Variants in DLGAP2 observed in about 807,000 individuals in gnomAD.
DLGAP2 encodes disks large-associated protein 2.
In DLGAP2, 26 loss-of-function variants were observed where a neutral mutation model predicts 100.3. That is an observed-to-expected ratio of 0.26 (90% CI 0.19 to 0.36). DLGAP2 has a LOEUF of 0.36. Ranked by LOEUF, DLGAP2 falls within the 10% of genes least tolerant of loss-of-function variation. The pLI, the probability that DLGAP2 is intolerant of heterozygous loss-of-function variation, is 1.00. For synonymous variants in DLGAP2, 886 were observed against 630.1 expected (o/e 1.41, Z -6.08); for missense variants, 1,858 against 1,453.2 (o/e 1.28, Z -4.53).
intron 3 of DLGAP2, chr8:1,369,022 A>G (rs182818129): frequency 6.6e-6 from 1 of 152,330 alleles, no homozygotes; most frequent in African/African-American, 2.4e-5. Context: ...CCGGAGTGGG[A>G]CACAGGTAGA....
At chr8:1,212,430 G>A (rs750699604) in intron 2 of DLGAP2, among the ~76,000 whole-genome samples, 6 of 152,152 alleles carry the variant, frequency 3.9e-5, no homozygotes, top group East Asian at 1.9e-4. Context: ...TTTAAAAACC[G>A]TTCATTTGGT....
chr8:833,780 A>G (rs1190870577), intron 1 of DLGAP2, among the ~76,000 whole-genome samples: 2 of 152,226 alleles, frequency 1.3e-5, no homozygotes, highest in Non-Finnish European at 2.9e-5. Context: ...TTTCATCTTT[A>G]GAGATTTTTT....
intron 1 of DLGAP2, among the ~76,000 whole-genome samples, chr8:856,685 T>G (rs1265753204): frequency 6.6e-6 from 1 of 152,164 alleles, no homozygotes; most frequent in Non-Finnish European, 1.5e-5. Flanking sequence ...GCATAAGATC[T>G]ATATGAGGAA....
chr8:940,519 C>T (rs1799171441), intron 2 of DLGAP2, among the ~76,000 whole-genome samples: 1 of 152,108 alleles, frequency 6.6e-6, no homozygotes, highest in Non-Finnish European at 1.5e-5. Context: ...GAGGAACATG[C>T]AGGAGCTGAC....
rs970614427 is a variant in DLGAP2 at position 1,170,374 on chromosome 8, G to C, written c.74-88477G>C. Among the ~76,000 whole-genome samples, 35 of 152,170 alleles carry C rather than the reference G, an allele frequency of 2.3e-4. 1 individual carries two copies. The highest frequency in any genetic ancestry group is 7.5e-4 in the African/African-American group (31 of 41,494). ...TTGGTTGTGTCTCTGCCAGGCTTTG[G>C]TATCAGGATGATGCTGGCCTCATAA... On this transcript the variant is annotated intron_variant, in intron 2 of 14. Transcript: ENST00000637795.
At chr8:1,352,632 G>C (rs1345915493) in intron 3 of DLGAP2, among the ~76,000 whole-genome samples, 1 of 152,180 alleles carries the variant, frequency 6.6e-6, no homozygotes, top group Non-Finnish European at 1.5e-5. Flanking sequence ...CTCTGAATAA[G>C]CTTTGAGGTA....
intron 4 of DLGAP2, among the ~76,000 whole-genome samples, chr8:1,531,235 C>CGTGTGT (rs529630124): frequency 0.023 from 3,230 of 140,178 alleles, 62 homozygotes; most frequent in African/African-American, 0.035. Context: ...TATTAGAGAG[C>CGTGTGT]GTGTGCGTGT....
At chr8:1,624,768 G>A (rs554168144) in intron 6 of DLGAP2, among the ~76,000 whole-genome samples, 16 of 152,024 alleles carry the variant, frequency 1.1e-4, no homozygotes, top group South Asian at 8.4e-4. Context: ...GGGAGTCGGC[G>A]GGCATCGATG....
In DLGAP2 at chr8:1,235,735, G is replaced by T. The variant is rs534417757; in HGVS notation, c.74-23116G>T. 1.4e-3 allele frequency among the ~76,000 whole-genome samples: 31 copies of T among 21,970 alleles called. 11 individuals are homozygous for T. The highest frequency in any genetic ancestry group is 8.1e-3 in the African/African-American group (27 of 3,322). 14.4% of individuals were successfully genotyped at this position (21,970 alleles called of 152,430 possible). A position where few individuals can be genotyped will look rare whatever the true frequency, so the allele number is the denominator to read the frequency against. ...GCCGTATCTAGTTCTCTCACATGGTGCCATATCTAGTTCTCTCTCACGCAT... is the reference window on the plus strand; with the variant it reads ...GCCGTATCTAGTTCTCTCACATGGTTCCATATCTAGTTCTCTCTCACGCAT... On this transcript the variant is annotated intron_variant, in intron 2 of 14. Transcript: ENST00000637795.
intron 2 of DLGAP2, among the ~76,000 whole-genome samples, chr8:1,067,438 G>A (rs1803289821): frequency 6.6e-6 from 1 of 152,152 alleles, no homozygotes; most frequent in Non-Finnish European, 1.5e-5. Flanking sequence ...TACTTGGGAG[G>A]TCAGAGGCTT....
At chr8:1,210,317 G>A (rs918649106) in intron 2 of DLGAP2, among the ~76,000 whole-genome samples, 5 of 151,332 alleles carry the variant, frequency 3.3e-5, no homozygotes, top group Non-Finnish European at 5.9e-5. Context: ...TTGGTTGTCT[G>A]GAAGGGCATG....
chr8:927,096 G>C, intron 2 of DLGAP2: 1 of 985,412 alleles, frequency 1.0e-6, no homozygotes, highest in Non-Finnish European at 1.2e-6. Flanking sequence ...CCAGTGGCCG[G>C]GATGGTAAAA....
intron 2 of DLGAP2, among the ~76,000 whole-genome samples, chr8:1,026,563 A>G (rs1395286400): frequency 6.6e-6 from 1 of 152,228 alleles, no homozygotes; most frequent in Non-Finnish European, 1.5e-5. Context: ...TCTTATATTG[A>G]GAACATTTTC....
chr8:793,442 C>G (rs1053724846), intron 1 of DLGAP2, among the ~76,000 whole-genome samples: 2 of 152,206 alleles, frequency 1.3e-5, no homozygotes, highest in African/African-American at 4.8e-5. Context: ...CAGAGCTGTG[C>G]TCTCCTTGGG....
intron 3 of DLGAP2, among the ~76,000 whole-genome samples, chr8:1,265,022 C>G (rs1261973423): frequency 6.6e-6 from 1 of 152,104 alleles, no homozygotes; most frequent in African/African-American, 2.4e-5. Flanking sequence ...GCTCCCCAGC[C>G]AAGTGGAAAT....
At chr8:1,489,259 G>T (rs1020095860) in intron 3 of DLGAP2, among the ~76,000 whole-genome samples, 1 of 152,192 alleles carries the variant, frequency 6.6e-6, no homozygotes, top group Non-Finnish European at 1.5e-5. Context: ...AAATGGGACC[G>T]TCAGCTCTGA....
chr8:913,980 C>A (rs528271712), intron 2 of DLGAP2, among the ~76,000 whole-genome samples: 15 of 152,312 alleles, frequency 9.8e-5, no homozygotes, highest in South Asian at 8.3e-4. Flanking sequence ...GAAATCTCCA[C>A]GTGTGGATTG....
At chr8:1,290,103 C>A (rs765152288) in intron 3 of DLGAP2, among the ~76,000 whole-genome samples, 5 of 152,124 alleles carry the variant, frequency 3.3e-5, no homozygotes, top group African/African-American at 9.7e-5. Flanking sequence ...CCTACCTGGG[C>A]TGCAGGTGCT....
At chr8:902,334 C>T (rs1225689523) in intron 1 of DLGAP2, among the ~76,000 whole-genome samples, 2 of 150,578 alleles carry the variant, frequency 1.3e-5, no homozygotes, top group Non-Finnish European at 3.0e-5. Context: ...GGGGGACACG[C>T]GGTCTTGCAT....
Sources: gnomAD v4.1 joint callset for allele counts (sites outside exome capture counted in the v4.1 genomes callset) on GRCh38, gnomAD v4.1.1 for gene constraint, MANE v1.5 for transcripts, NCBI Gene and HGNC (gene_info 2026-07-23, HGNC 2026-07-21) for gene names.